The following HTR3C variants were observed in gnomAD, a reference collection of about 807,000 sequenced individuals.
HTR3C encodes the protein 5-HT3-C.
Under a neutral mutation model 40.5 loss-of-function variants are expected in HTR3C, and 32 were observed. The ratio of observed to expected loss-of-function variants is 0.79; its 90% CI spans 0.60 to 1.06. HTR3C has a LOEUF of 1.06. HTR3C is among the 50% of genes least tolerant of loss of function. The probability of loss-of-function intolerance (pLI) is 0.00; values close to 1 mark genes in which losing one functional copy is unlikely to be tolerated. For synonymous variants in HTR3C, 209 were observed against 217.1 expected, an observed-to-expected ratio of 0.96 and a Z score of 0.33; for missense variants, 523 against 556.8, an observed-to-expected ratio of 0.94 and a Z score of 0.61.
intron 3 of HTR3C, among the ~76,000 whole-genome samples, chr3:184,055,717 A>G (rs1256086140): frequency 6.6e-6 from 1 of 151,194 alleles, no homozygotes; most frequent in Non-Finnish European, 1.5e-5. Flanking sequence ...TCCATCACAC[A>G]CACACACACA....
Position 184,054,740 on chromosome 3 carries a change from C to G in HTR3C, c.87C>G (p.Thr29=), listed in dbSNP as rs1221476859. 2 of 1,601,030 alleles carry G rather than the reference C, an allele frequency of 1.2e-6. No individual in the cohort carries two copies. Among genetic ancestry groups the G allele is most frequent in the Non-Finnish European group, 1.7e-6 (2 of 1,174,984 alleles). The part of the protein sequence containing the change: ...LLLQGRGDAF[T]INCSGFDQHG... Reference sequence around the variant, plus strand: ...CTATAGGAAGAGGCGACGCTTTTACCATCAATTGCTCAGGCTTTGACCAGC... The same window carrying G: ...CTATAGGAAGAGGCGACGCTTTTACGATCAATTGCTCAGGCTTTGACCAGC... Residue 29 remains threonine (T), a synonymous_variant, in exon 2 of 9, where the codon ACC becomes ACG. Transcript: ENST00000318351.
At chr3:184,055,377 T>G (rs374033673) in intron 3 of HTR3C, 21 bp downstream of exon 3, 7 of 1,544,416 alleles carry the variant, frequency 4.5e-6, no homozygotes, top group Non-Finnish European at 5.4e-6. Context: ...TTCAACTATC[T>G]CCTCCCCACT....
chr3:184,053,273 G>C, intron 1 of HTR3C, 126 bp downstream of exon 1: 1 of 703,932 alleles, frequency 1.4e-6, no homozygotes, highest in Non-Finnish European at 2.5e-6. Flanking sequence ...TCTGTGTCCT[G>C]ATTTCCTTTT....
rs896828024 is a variant in HTR3C, at chr3:184,059,736, G to A, written c.926-92G>A. ...CGCTGCTCCACTGAAGGAAGGAAGG[G>A]GCTGTGAAAGAAGATTGGATTTAGG... On this transcript the variant is annotated intron_variant, in intron 7 of 8. Transcript: ENST00000318351. The A allele has an allele frequency of 8.2e-6, 13 of 1,589,726 alleles. No individual in the cohort carries two copies. The African/African-American group carries it at 1.5e-4, about 18-fold the overall frequency.
At chr3:184,059,408 T>C in intron 6 of HTR3C, 28 bp from the exon 7 acceptor site, 1 of 1,601,992 alleles carries the variant, frequency 6.2e-7, no homozygotes. Context: ...CATCTATTTA[T>C]TTGCCATCTT....
chr3:184,053,669 G>A (rs1723267443), intron 1 of HTR3C, among the ~76,000 whole-genome samples: 1 of 152,228 alleles, frequency 6.6e-6, no homozygotes, highest in Admixed American at 6.5e-5. Flanking sequence ...ATGGAGCAAA[G>A]ATGCCACTCA....
chr3:184,058,249 G>A (rs1407553665), intron 5 of HTR3C, among the ~76,000 whole-genome samples, 178 bp from the exon 6 acceptor site: 2 of 152,170 alleles, frequency 1.3e-5, no homozygotes, highest in Admixed American at 1.3e-4. Context: ...AATTAATGCC[G>A]CTGCCCACAC....
At chr3:184,054,965 C>T in intron 2 of HTR3C, 78 bp downstream of exon 2, 2 of 1,438,470 alleles carry the variant, frequency 1.4e-6, no homozygotes, top group East Asian at 2.3e-5. Context: ...CCCAACATGG[C>T]CCTGGCCCCG....
chr3:184,059,583 A>G lies in HTR3C; in HGVS notation c.868A>G (p.Asn290Asp). ...CAAGATAACACTTCTGCTGGGCTAC[A>G]ACGTCTTCCTGCTCATGATGAATGA... Reference protein sequence around the residue: ...PFKITLLLGYNVFLLMMNDLL... With the variant: ...PFKITLLLGYDVFLLMMNDLL... Residue 290 changes from asparagine (N) to aspartate (D), a missense_variant, in exon 7 of 9, where the codon AAC (asparagine) becomes GAC (aspartate). Coordinates refer to ENST00000318351, the MANE Select transcript of HTR3C (RefSeq NM_130770.3). 1.2e-6 allele frequency: 2 copies of G among 1,613,700 alleles called. No homozygotes were observed. Among genetic ancestry groups the G allele is most frequent in the African/African-American group, 1.3e-5 (1 of 75,002 alleles).
In HTR3C at chr3:184,053,159, C is replaced by G. The variant is rs368129778; in HGVS notation, c.67+12C>G. On this transcript the variant is annotated intron_variant, in intron 1 of 8. Transcript: ENST00000318351. The stretch of plus-strand genomic sequence containing the variant: ...TCTTCTGCTTCAAGGTAAGATGGGA[C>G]GAGAACAGGGAAGACCAGAGTGTGG... 4 of 1,610,088 alleles carry G rather than the reference C, an allele frequency of 2.5e-6. 1 individual carries two copies. The South Asian group carries it at 4.4e-5, about 18-fold the overall frequency.
In HTR3C at chr3:184,056,935, T is replaced by C; in HGVS notation, c.450T>C (p.Ile150=). 1 of 1,613,732 alleles carries C rather than the reference T, an allele frequency of 6.2e-7. No individual in the cohort carries two copies. Among genetic ancestry groups the C allele is most frequent in the Non-Finnish European group, 8.5e-7 (1 of 1,179,750 alleles). Residue 150 remains isoleucine (I), a synonymous_variant, in exon 5 of 9, where the codon ATT becomes ATC. Transcript: ENST00000318351. ...CCTATATCAGCAGTGAAGGTCGAATTAAGTATGATAAGCCAATGAGGGTGA... is the reference window on the plus strand; with the variant it reads ...CCTATATCAGCAGTGAAGGTCGAATCAAGTATGATAAGCCAATGAGGGTGA... ...LTAYISSEGR[I]KYDKPMRVTS...
intron 5 of HTR3C, 23 bp from the exon 6 acceptor site, chr3:184,058,404 G>C: frequency 6.3e-7 from 1 of 1,582,268 alleles, no homozygotes; most frequent in East Asian, 2.3e-5. Flanking sequence ...CGTCTGCAAT[G>C]AACTGACCGG....
chr3:184,054,052 A>G (rs1202853359), intron 1 of HTR3C, among the ~76,000 whole-genome samples: 1 of 150,520 alleles, frequency 6.6e-6, no homozygotes. Context: ...CGCGCCCGGC[A>G]CACCGGCCTC....
chr3:184,055,260 A>G (rs2108970828), intron 2 of HTR3C, 52 bp from the exon 3 acceptor site: 1 of 1,203,654 alleles, frequency 8.3e-7, no homozygotes, highest in South Asian at 1.2e-5. Context: ...TGAGGTGGGC[A>G]TTGGCCAAAC....
At chr3:184,059,358 G>T in intron 6 of HTR3C, 78 bp from the exon 7 acceptor site, 1 of 1,337,318 alleles carries the variant, frequency 7.5e-7, no homozygotes, top group Non-Finnish European at 1.1e-6. Context: ...CAGCACATTG[G>T]CAAAGATTAG....
At chr3:184,053,418 C>T (rs1039628758) in intron 1 of HTR3C, among the ~76,000 whole-genome samples, 2 of 152,176 alleles carry the variant, frequency 1.3e-5, no homozygotes, top group African/African-American at 4.8e-5. Context: ...TGATGCTCCA[C>T]TACCACACCC....
In HTR3C at chr3:184,056,222, G is replaced by A. The variant is rs1446237330; in HGVS notation, c.325G>A (p.Gly109Ser). The A allele has an allele frequency of 6.2e-7, 1 of 1,613,912 alleles. No homozygotes were observed. The highest frequency in any genetic ancestry group is 2.2e-5 in the East Asian group (1 of 44,876). The change falls in exon 4 of 9, where the codon GGC becomes AGC. Residue 109 changes from glycine (G) to serine (S), a missense_variant. By Grantham distance (56) the Gly-to-Ser change is moderately conservative. Transcript: ENST00000318351. The stretch of plus-strand genomic sequence containing the variant: ...TAATTGGAACCCAAAAGAGTGTGTT[G>A]GCATCAATAAACTCACAGTATTAGC... ...FINWNPKECV[G>S]INKLTVLAEN...
intron 3 of HTR3C, among the ~76,000 whole-genome samples, chr3:184,055,726 C>T (rs1343547257): frequency 1.3e-5 from 2 of 151,096 alleles, no homozygotes; most frequent in African/African-American, 2.4e-5. Context: ...CACACACACA[C>T]ACACACAGAA....
In HTR3C at chr3:184,060,253, G is replaced by A. The variant is rs1723420123; in HGVS notation, c.1245G>A (p.Trp415Ter). ...GWTKTQLMEL[W>*]VQFSHAMDTL... ...CAAAGACCCAGCTAATGGAGCTGTG[G>A]GTGCAGTTCAGCCACGCGATGGACA... Residue 415 changes from tryptophan to a stop codon, truncating the protein, a stop_gained, in exon 9 of 9, where the codon TGG (tryptophan) becomes TGA (stop). Coordinates refer to ENST00000318351, the MANE Select transcript of HTR3C (RefSeq NM_130770.3). LOFTEE classifies it low-confidence loss of function (END_TRUNC). The A allele has an allele frequency of 6.2e-7, 1 of 1,614,078 alleles. No individual in the cohort carries two copies. Among genetic ancestry groups the A allele is most frequent in the East Asian group, 2.2e-5 (1 of 44,876 alleles).
Sources: gnomAD v4.1 joint callset for allele counts (sites outside exome capture counted in the v4.1 genomes callset) on GRCh38, gnomAD v4.1.1 for gene constraint, MANE v1.5 for transcripts, NCBI Gene and HGNC (gene_info 2026-07-23, HGNC 2026-07-21) for gene names.